USP43: variants seen among roughly 807,000 people sequenced by gnomAD.
The protein encoded by USP43 is ubiquitin carboxyl-terminal hydrolase 43.
Under a neutral mutation model 90.7 loss-of-function variants are expected in USP43, and 33 were observed. The ratio of observed to expected loss-of-function variants is 0.36; its 90% CI spans 0.28 to 0.49. The LOEUF (loss-of-function observed/expected upper bound fraction) is 0.49, where lower values mean the gene tolerates loss of function less well. USP43 is among the 20% of genes least tolerant of loss of function. The pLI is 0.98. For missense variants in USP43, 1,274 were observed against 1,476.4 expected (o/e 0.86, Z 2.25); for synonymous variants, 598 against 615.8 (o/e 0.97, Z 0.43).
At chr17:9,726,520 G>A (rs1184960032) in intron 14 of USP43, among the ~76,000 whole-genome samples, 2 of 152,112 alleles carry the variant, frequency 1.3e-5, no homozygotes, top group South Asian at 2.1e-4. Context: ...GGTTCTTCCC[G>A]GCTGCAGACA....
Position 9,701,218 on chromosome 17 carries a change from T to C in USP43, c.1635T>C (p.Cys545=), listed in dbSNP as rs1451051338. Residue 545 remains cysteine, a synonymous_variant, in exon 11 of 15, where the codon TGT becomes TGC. Transcript: ENST00000285199. The surrounding 1 kb of genome is among the most constrained non-coding windows in gnomAD (Gnocchi z 7.2). The part of the protein sequence containing the change: ...HQQHSCTLDE[C]FQFYTKEEQL... ...AGCACAGCTGTACCTTGGATGAATGTTTTCAGTTCTACACCAAGGAGGAGC... is the reference window on the plus strand; with the variant it reads ...AGCACAGCTGTACCTTGGATGAATGCTTTCAGTTCTACACCAAGGAGGAGC... 1 of 1,602,748 alleles carries C rather than the reference T, an allele frequency of 6.2e-7. No individual in the cohort carries two copies. The highest frequency in any genetic ancestry group is 8.5e-7 in the Non-Finnish European group (1 of 1,174,110).
At chr17:9,659,770 T>C (rs1912523381) in intron 2 of USP43, among the ~76,000 whole-genome samples, 1 of 151,922 alleles carries the variant, frequency 6.6e-6, no homozygotes, top group African/African-American at 2.4e-5. Flanking sequence ...CACACAGTTA[T>C]TAAGTGAGAG....
intron 5 of USP43, among the ~76,000 whole-genome samples, chr17:9,679,617 C>T (rs910207448): frequency 1.3e-5 from 2 of 151,128 alleles, no homozygotes; most frequent in Admixed American, 6.6e-5. Flanking sequence ...GCTCCGCCTC[C>T]CGGGTTCACA....
At chr17:9,691,108 A>ATTTT (rs557338364) in intron 8 of USP43, among the ~76,000 whole-genome samples, 3 of 130,118 alleles carry the variant, frequency 2.3e-5, no homozygotes, top group Non-Finnish European at 1.6e-5. Context: ...AATTTCCTTC[A>ATTTT]TTTTTTTTTT....
intron 4 of USP43, 94 bp from the exon 5 acceptor site, chr17:9,676,652 G>A (rs1913799962): frequency 5.5e-6 from 8 of 1,463,100 alleles, no homozygotes; most frequent in Admixed American, 2.3e-5. Context: ...GATTACAGGT[G>A]TGAGCCACTG....
chr17:9,652,745 A>G (rs1911963580), intron 1 of USP43, among the ~76,000 whole-genome samples: 1 of 152,172 alleles, frequency 6.6e-6, no homozygotes, highest in Non-Finnish European at 1.5e-5. Context: ...CCTGCCAAAT[A>G]CTTTATAACT....
At chr17:9,710,236 G>A (rs1037347707) in intron 13 of USP43, 122 bp downstream of exon 13, 1 of 1,134,530 alleles carries the variant, frequency 8.8e-7, no homozygotes, top group Non-Finnish European at 1.1e-6. Context: ...AGGAAGCCCG[G>A]GATGCTGCTG....
At chr17:9,719,891 A>C (rs2152000220) in intron 14 of USP43, among the ~76,000 whole-genome samples, 1 of 152,152 alleles carries the variant, frequency 6.6e-6, no homozygotes, top group South Asian at 2.1e-4. Flanking sequence ...ACATGGCAAA[A>C]CCCTGTCTCT....
At chr17:9,706,278 T>C (rs1449516820) in intron 12 of USP43, among the ~76,000 whole-genome samples, 1 of 152,236 alleles carries the variant, frequency 6.6e-6, no homozygotes, top group Non-Finnish European at 1.5e-5. Flanking sequence ...TGCAAGTATG[T>C]GTTCCCTGTG....
Position 9,709,169 on chromosome 17 carries a change from A to G in USP43, c.2012-787A>G, listed in dbSNP as rs1597879334. 1.3e-5 allele frequency among the ~76,000 whole-genome samples: 2 copies of G among 152,198 alleles called. No individual in the cohort carries two copies. The highest frequency in any genetic ancestry group is 4.1e-4 in the South Asian group (2 of 4,830). ...AGGAAACGGATATTTTGTTGTCGTT[A>G]CTTGAGAAATGGTGAGAATATTTAT... On this transcript the variant is annotated intron_variant, in intron 12 of 14. Coordinates refer to ENST00000285199, the MANE Select transcript of USP43 (RefSeq NM_153210.5). This position sits in a 1 kb window ranked among gnomAD's most constrained non-coding sequence, Gnocchi z 5.0.
intron 1 of USP43, among the ~76,000 whole-genome samples, chr17:9,652,122 T>C (rs1911902032): frequency 6.6e-6 from 1 of 150,450 alleles, no homozygotes; most frequent in African/African-American, 2.5e-5. Flanking sequence ...CAGTGGCTCA[T>C]GCCTGTAATC....
In USP43 at chr17:9,671,978, A is replaced by C. The variant is rs941580506; in HGVS notation, c.741-2913A>C. ...TCCTATAGTTTATTATGAAAACATTATACTTTTTCATTCTTTATTTTATTT... is the reference window on the plus strand; with the variant it reads ...TCCTATAGTTTATTATGAAAACATTCTACTTTTTCATTCTTTATTTTATTT... On this transcript the variant is annotated intron_variant, in intron 3 of 14. Transcript: ENST00000285199. Among the ~76,000 whole-genome samples, 4 of 152,248 alleles carry C rather than the reference A, an allele frequency of 2.6e-5. 1 individual carries two copies. The Middle Eastern group carries it at 0.01, about 388-fold the overall frequency.
chr17:9,693,025 G>T, intron 8 of USP43, 102 bp from the exon 9 acceptor site: 1 of 878,502 alleles, frequency 1.1e-6, no homozygotes. Flanking sequence ...ATACACTATG[G>T]AAAATAATGA....
intron 7 of USP43, among the ~76,000 whole-genome samples, chr17:9,685,059 C>G (rs1204907384): frequency 6.6e-6 from 1 of 152,132 alleles, no homozygotes; most frequent in Non-Finnish European, 1.5e-5. Flanking sequence ...GATAAGCAAG[C>G]ATTGTTTAAA....
At chr17:9,702,103 G>A (rs775072273) in intron 12 of USP43, among the ~76,000 whole-genome samples, 1 of 152,138 alleles carries the variant, frequency 6.6e-6, no homozygotes, top group Non-Finnish European at 1.5e-5. Context: ...GCTCATGCCT[G>A]TAATCCCAGC....
At chr17:9,669,229 AAAG>A (rs781005193) in intron 3 of USP43, among the ~76,000 whole-genome samples, 2 of 152,266 alleles carry the variant, frequency 1.3e-5, no homozygotes, top group Non-Finnish European at 2.9e-5. Flanking sequence ...AGAGAAAGTG[AAAG>A]AAGAACATTT....
At chr17:9,700,815 G>A (rs1915521491) in intron 10 of USP43, among the ~76,000 whole-genome samples, 1 of 152,182 alleles carries the variant, frequency 6.6e-6, no homozygotes, top group South Asian at 2.1e-4. Flanking sequence ...AAGAAAGGAT[G>A]TCGTTCAGTC....
Position 9,645,532 on chromosome 17 carries a change from G to A in USP43, c.-101G>A. The A allele has an allele frequency of 8.4e-6, 9 of 1,075,042 alleles. No homozygotes were observed. Among genetic ancestry groups the A allele is most frequent in the Non-Finnish European group, 1.0e-5 (9 of 870,838 alleles). 66.6% of individuals were successfully genotyped at this position (1,075,042 alleles called of 1,614,324 possible). On this transcript the variant is annotated 5_prime_UTR_variant, in exon 1 of 15. Coordinates refer to ENST00000285199, the MANE Select transcript of USP43 (RefSeq NM_153210.5). The surrounding 1 kb of genome is among the most constrained non-coding windows in gnomAD (Gnocchi z 6.8). ...CCGTCCCCGCACACCTGGCCCGCAG[G>A]TAGCCGGCACCAGGAGCCTTAGAGA...
chr17:9,728,418 A>G lies in USP43; in HGVS notation c.2800A>G (p.Thr934Ala). 6.2e-7 allele frequency: 1 copy of G among 1,610,708 alleles called. No homozygotes were observed. Among genetic ancestry groups the G allele is most frequent in the Non-Finnish European group, 8.5e-7 (1 of 1,178,506 alleles). Residue 934 changes from threonine (T) to alanine (A), a missense_variant, in exon 15 of 15, where the codon ACT (threonine) becomes GCT (alanine). By Grantham distance (58) the Thr-to-Ala change is moderately conservative. Around this residue, in one of 6 missense-constraint regions of USP43, gnomAD observed 353 missense variants for 329.7 expected, o/e 1.07. Coordinates refer to ENST00000285199, the MANE Select transcript of USP43 (RefSeq NM_153210.5). The surrounding 1 kb of genome is among the most constrained non-coding windows in gnomAD (Gnocchi z 6.2). ...KLPRKFDLPL[T>A]VMPSVEHEKP... Reference sequence around the variant, plus strand: ...TCCCAGAAAGTTTGACCTGCCTCTCACTGTGATGCCTTCAGTGGAGCATGA... The same window carrying G: ...TCCCAGAAAGTTTGACCTGCCTCTCGCTGTGATGCCTTCAGTGGAGCATGA...
Sources: gnomAD v4.1 joint callset for allele counts (sites outside exome capture counted in the v4.1 genomes callset) on GRCh38, gnomAD v4.1.1 for gene constraint, gnomAD v4.1.1 regional missense constraint, Gnocchi (gnomAD v3.1) non-coding constraint, MANE v1.5 for transcripts, NCBI Gene and HGNC (gene_info 2026-07-23, HGNC 2026-07-21) for gene names.